The following GALNT13 variants were observed in gnomAD, a reference collection of about 807,000 sequenced individuals.
GALNT13 encodes the protein UDP-GalNAc:polypeptide N-acetylgalactosaminyltransferase 13.
A neutral mutation model predicts 64.2 loss-of-function variants in GALNT13; 28 were observed. The observed-to-expected ratio is 0.44, with a 90% CI of 0.32 to 0.60. The LOEUF is 0.60. GALNT13 is among the 20% of genes least tolerant of loss of function. GALNT13 has a pLI of 0.05. For synonymous variants in GALNT13, 214 were observed against 224.6 expected, an observed-to-expected ratio of 0.95 and a Z score of 0.42; for missense variants, 577 against 669.8, an observed-to-expected ratio of 0.86 and a Z score of 1.53.
chr2:154,082,572 G>A (rs1044570556), intron 3 of GALNT13, among the ~76,000 whole-genome samples: 7 of 151,598 alleles, frequency 4.6e-5, no homozygotes, highest in African/African-American at 1.5e-4. Context: ...ATATTTCATC[G>A]AATGAATACG....
chr2:153,625,134 A>G, the GALNT13 span, among the ~76,000 whole-genome samples: 1 of 152,056 alleles, frequency 6.6e-6, no homozygotes, highest in South Asian at 2.1e-4. Context: ...AAGGCTTTTG[A>G]ACTACAGTCT....
the GALNT13 span, among the ~76,000 whole-genome samples, chr2:153,859,446 C>G: frequency 1.3e-5 from 2 of 152,088 alleles, no homozygotes; most frequent in South Asian, 4.1e-4. Context: ...AATCTCAAAC[C>G]AGGGTCTGGC....
intron 9 of GALNT13, among the ~76,000 whole-genome samples, chr2:154,310,715 A>G (rs1300711245): frequency 6.6e-6 from 1 of 152,166 alleles, no homozygotes; most frequent in Non-Finnish European, 1.5e-5. Context: ...ATGTGGAAGC[A>G]TTAAGAATGA....
the GALNT13 span, among the ~76,000 whole-genome samples, chr2:153,753,663 A>G: frequency 1.3e-5 from 2 of 152,122 alleles, no homozygotes; most frequent in Admixed American, 1.3e-4. Context: ...CCCTGTGGCC[A>G]TTACCAATAG....
the GALNT13 span, among the ~76,000 whole-genome samples, chr2:153,759,595 G>A: frequency 6.6e-6 from 1 of 151,882 alleles, no homozygotes; most frequent in African/African-American, 2.4e-5. Flanking sequence ...CTATTAATGA[G>A]GTATATCATT....
the GALNT13 span, among the ~76,000 whole-genome samples, chr2:153,539,497 G>T: frequency 1.6e-4 from 25 of 152,004 alleles, no homozygotes; most frequent in South Asian, 5.2e-3. Context: ...TAATGCCTAG[G>T]TTTTCTTCTA....
chr2:154,305,661 A>T (rs543845832), intron 9 of GALNT13, among the ~76,000 whole-genome samples: 9 of 152,296 alleles, frequency 5.9e-5, no homozygotes, highest in Non-Finnish European at 8.8e-5. Flanking sequence ...TTATGACAAT[A>T]ACTTACTTAC....
At chr2:154,001,373 G>A (rs1294185962) in intron 3 of GALNT13, among the ~76,000 whole-genome samples, 1 of 151,472 alleles carries the variant, frequency 6.6e-6, no homozygotes, top group Non-Finnish European at 1.5e-5. Flanking sequence ...CTATCTTTGT[G>A]GTTAAATGAT....
intron 9 of GALNT13, among the ~76,000 whole-genome samples, chr2:154,360,556 T>C (rs2105283461): frequency 6.6e-6 from 1 of 152,196 alleles, no homozygotes; most frequent in East Asian, 1.9e-4. Context: ...CAAATAAGAG[T>C]ATATTTTTGT....
At chr2:153,617,113 T>C in the GALNT13 span, among the ~76,000 whole-genome samples, 2 of 151,984 alleles carry the variant, frequency 1.3e-5, no homozygotes, top group Non-Finnish European at 2.9e-5. Context: ...TGAATAACAG[T>C]GGTGACAGTG....
chr2:154,202,728 C>A (rs1687239868), intron 4 of GALNT13, among the ~76,000 whole-genome samples: 1 of 151,970 alleles, frequency 6.6e-6, no homozygotes, highest in South Asian at 2.1e-4. Context: ...ATGTTTAGGT[C>A]CAGTCTCTTT....
At chr2:153,298,584 C>T in the GALNT13 span, among the ~76,000 whole-genome samples, 1 of 152,108 alleles carries the variant, frequency 6.6e-6, no homozygotes, top group Non-Finnish European at 1.5e-5. Context: ...TTTACAAACC[C>T]CTGTTCTGTT....
intron 4 of GALNT13, among the ~76,000 whole-genome samples, chr2:154,188,014 T>TCTC (rs1686356434): frequency 1.4e-5 from 2 of 144,344 alleles, no homozygotes; most frequent in African/African-American, 5.1e-5. Context: ...GCATCAGGCA[T>TCTC]TCTCTCTCTC....
the GALNT13 span, among the ~76,000 whole-genome samples, chr2:153,561,643 G>GTGTGTGTGTGTA: frequency 1.7e-3 from 126 of 73,588 alleles, 1 homozygote; most frequent in African/African-American, 5.9e-3. Context: ...TGTTCAACCT[G>GTGTGTGTGTGTA]TGTGTGTGTG....
chr2:153,071,468 A>G, the GALNT13 span, among the ~76,000 whole-genome samples: 1 of 152,342 alleles, frequency 6.6e-6, no homozygotes, highest in Non-Finnish European at 1.5e-5. Context: ...CAAGCATTGC[A>G]CACACAAACC....
At chr2:154,152,381 G>A (rs6749939) in intron 4 of GALNT13, among the ~76,000 whole-genome samples, 29,941 of 151,598 alleles carry the variant, frequency 0.2, 3,741 homozygotes, top group African/African-American at 0.34. Context: ...CTTCATTTCA[G>A]CTTTGGTGAA....
At chr2:153,667,090 A>G in the GALNT13 span, among the ~76,000 whole-genome samples, 1 of 152,180 alleles carries the variant, frequency 6.6e-6, no homozygotes, top group Non-Finnish European at 1.5e-5. Flanking sequence ...AAATAAAGAA[A>G]AAAGAATAAA....
the GALNT13 span, among the ~76,000 whole-genome samples, chr2:153,692,486 G>A: frequency 3.0e-4 from 45 of 152,250 alleles, no homozygotes; most frequent in South Asian, 8.7e-3. Context: ...GGAAACTGCC[G>A]GTGTGTTATC....
At chr2:153,422,847 G>A in the GALNT13 span, among the ~76,000 whole-genome samples, 1 of 151,498 alleles carries the variant, frequency 6.6e-6, no homozygotes, top group Non-Finnish European at 1.5e-5. Flanking sequence ...AAAACACAAC[G>A]ACAAAAACGA....
Sources: allele counts gnomAD v4.1 joint callset (sites outside exome capture counted in the v4.1 genomes callset), GRCh38; gene constraint gnomAD v4.1.1; transcripts MANE v1.5; gene names NCBI Gene and HGNC (gene_info 2026-07-23, HGNC 2026-07-21).